The following DOK6 variants were observed in gnomAD, a reference collection of about 807,000 sequenced individuals.
DOK6 encodes docking protein 6, also known as downstream of tyrosine kinase 6.
Under a neutral mutation model 44.0 loss-of-function variants are expected in DOK6, and 22 were observed. The ratio of observed to expected loss-of-function variants is 0.50; its 90% CI spans 0.36 to 0.71. The LOEUF is 0.71. Among genes scored for constraint, DOK6 ranks in the 30% least tolerant of loss-of-function variants. The probability of loss-of-function intolerance (pLI) is 0.00; values close to 1 mark genes in which losing one functional copy is unlikely to be tolerated. For synonymous variants in DOK6, 166 were observed against 145.5 expected (o/e 1.14, Z -1.01); for missense variants, 340 against 416.4 (o/e 0.82, Z 1.60).
intron 7 of DOK6, among the ~76,000 whole-genome samples, chr18:69,840,640 C>T (rs867056676): frequency 1.3e-5 from 2 of 152,122 alleles, no homozygotes; most frequent in Non-Finnish European, 2.9e-5. Flanking sequence ...TTTTGGTAGC[C>T]ATCGAGCTTA....
chr18:69,669,733 C>A (rs1985749932), intron 3 of DOK6, among the ~76,000 whole-genome samples: 2 of 152,106 alleles, frequency 1.3e-5, no homozygotes, highest in South Asian at 4.1e-4. Context: ...GCATTCTCTG[C>A]CTTGAGATTT....
At chr18:69,524,015 G>A (rs1052292093) in intron 1 of DOK6, among the ~76,000 whole-genome samples, 2 of 151,998 alleles carry the variant, frequency 1.3e-5, no homozygotes, top group Non-Finnish European at 2.9e-5. Flanking sequence ...TTCAGCAATT[G>A]GATAGTGAAG....
intron 7 of DOK6, among the ~76,000 whole-genome samples, chr18:69,813,497 C>A (rs1015186089): frequency 6.6e-6 from 1 of 151,732 alleles, no homozygotes; most frequent in Non-Finnish European, 1.5e-5. Context: ...AATAGAAGCA[C>A]GGTTTATGCA....
At chr18:69,631,181 G>A (rs1002917263) in intron 3 of DOK6, among the ~76,000 whole-genome samples, 5 of 151,950 alleles carry the variant, frequency 3.3e-5, no homozygotes, top group East Asian at 1.9e-4. Flanking sequence ...AAACATCAAG[G>A]AAATATATAC....
intron 1 of DOK6, among the ~76,000 whole-genome samples, chr18:69,431,911 C>T (rs556260978): frequency 3.3e-5 from 5 of 152,262 alleles, no homozygotes; most frequent in African/African-American, 1.2e-4. Context: ...TAATATCTTA[C>T]ATAAGCACAG....
At chr18:69,747,772 T>C (rs1023541445) in intron 6 of DOK6, among the ~76,000 whole-genome samples, 1 of 152,160 alleles carries the variant, frequency 6.6e-6, no homozygotes, top group African/African-American at 2.4e-5. Flanking sequence ...CTAAGAAGGA[T>C]TTAAACCTTG....
intron 3 of DOK6, among the ~76,000 whole-genome samples, chr18:69,665,522 G>A (rs1230531037): frequency 2.6e-5 from 4 of 152,176 alleles, no homozygotes; most frequent in Non-Finnish European, 5.9e-5. Flanking sequence ...GTTATCTGAA[G>A]TGATGTCATT....
At chr18:69,832,397 A>G (rs1324081523) in intron 7 of DOK6, 3 of 152,106 alleles carry the variant, frequency 2.0e-5, no homozygotes, top group African/African-American at 7.2e-5. Context: ...AAGGTGAATG[A>G]TCTCTTTAAT....
intron 2 of DOK6, among the ~76,000 whole-genome samples, chr18:69,597,122 A>C (rs1212016503): frequency 6.6e-6 from 1 of 152,092 alleles, no homozygotes; most frequent in Non-Finnish European, 1.5e-5. Flanking sequence ...CATTTATATT[A>C]ATAGATGCAA....
intron 3 of DOK6, 118 bp downstream of exon 3, chr18:69,599,616 T>C: frequency 1.4e-6 from 1 of 712,946 alleles, no homozygotes; most frequent in Admixed American, 3.0e-5. Context: ...GAATGTGCTG[T>C]AGAAGACTTC....
chr18:69,567,764 A>C (rs1983019349), intron 2 of DOK6, among the ~76,000 whole-genome samples: 1 of 151,844 alleles, frequency 6.6e-6, no homozygotes, highest in Admixed American at 6.6e-5. Context: ...GAGGGGAGTG[A>C]GTGGTTGGGG....
intron 2 of DOK6, among the ~76,000 whole-genome samples, chr18:69,580,139 A>T (rs1983333137): frequency 6.6e-6 from 1 of 152,134 alleles, no homozygotes; most frequent in African/African-American, 2.4e-5. Context: ...CTGGGGTCAA[A>T]AGCCTGATTC....
intron 2 of DOK6, among the ~76,000 whole-genome samples, chr18:69,578,545 AT>A (rs1285231599): frequency 6.6e-6 from 1 of 152,194 alleles, no homozygotes; most frequent in Non-Finnish European, 1.5e-5. Context: ...CTGTTATGAC[AT>A]TATTTCCATC....
intron 1 of DOK6, among the ~76,000 whole-genome samples, chr18:69,523,818 T>C (rs1012177245): frequency 2.6e-5 from 4 of 151,336 alleles, no homozygotes; most frequent in East Asian, 3.9e-4. Flanking sequence ...GATAACCCCA[T>C]GAAATCTCTT....
At chr18:69,787,437 CCT>C (rs1471182244) in intron 7 of DOK6, among the ~76,000 whole-genome samples, 1 of 152,134 alleles carries the variant, frequency 6.6e-6, no homozygotes, top group Non-Finnish European at 1.5e-5. Flanking sequence ...CTTGGGTCCA[CCT>C]CTCTGACAGT....
intron 4 of DOK6, among the ~76,000 whole-genome samples, chr18:69,690,531 G>T (rs186998044): frequency 2.6e-5 from 4 of 152,046 alleles, no homozygotes; most frequent in Non-Finnish European, 5.9e-5. Context: ...TGCAATAATC[G>T]TCTATTATAG....
Position 69,471,633 on chromosome 18 carries a change from G to C in DOK6, c.66+70323G>C, listed in dbSNP as rs967235334. The C allele has an allele frequency of 1.5e-4, 22 of 150,974 alleles. 1 individual carries two copies. The highest frequency in any genetic ancestry group is 1.5e-3 in the Admixed American group (22 of 15,118). The allele number at this position is 150,974 out of a possible 1,614,324, so 9.4% of individuals were successfully genotyped here. A position where few individuals can be genotyped will look rare whatever the true frequency, so the allele number is the denominator to read the frequency against. ...ACTGGCTGCTGTGTTACAACTGGGT[G>C]GGGGGTTGCACGGAGAAGAGAGAAA... is the stretch of plus-strand genomic sequence containing the variant. On this transcript the variant is annotated intron_variant, in intron 1 of 7. Coordinates refer to ENST00000382713, the MANE Select transcript of DOK6 (RefSeq NM_152721.6).
intron 7 of DOK6, among the ~76,000 whole-genome samples, chr18:69,804,859 G>A (rs1981008525): frequency 6.6e-6 from 1 of 152,150 alleles, no homozygotes; most frequent in Non-Finnish European, 1.5e-5. Flanking sequence ...ATTGGTATTG[G>A]TGTTGTGTAG....
chr18:69,409,606 A>G (rs1381976143), intron 1 of DOK6, among the ~76,000 whole-genome samples: 1 of 152,234 alleles, frequency 6.6e-6, no homozygotes, highest in African/African-American at 2.4e-5. Flanking sequence ...GCTTTTGTAG[A>G]ATACAAGGAA....
Sources: allele counts gnomAD v4.1 joint callset (sites outside exome capture counted in the v4.1 genomes callset), GRCh38; gene constraint gnomAD v4.1.1; transcripts MANE v1.5; gene names NCBI Gene and HGNC (gene_info 2026-07-23, HGNC 2026-07-21).